Variants in SS18 observed in about 807,000 individuals in gnomAD.
SS18 encodes SS18 subunit of BAF chromatin remodeling complex.
Under a neutral mutation model 72.5 loss-of-function variants are expected in SS18, and 28 were observed. That is an observed-to-expected ratio of 0.39 (90% CI 0.29 to 0.53). The LOEUF is 0.53. SS18 is among the 20% of genes least tolerant of loss of function. The pLI, the probability that SS18 is intolerant of heterozygous loss-of-function variation, is 0.76. For missense variants in SS18, 518 were observed against 535.3 expected, an observed-to-expected ratio of 0.97 and a Z score of 0.32; for synonymous variants, 172 against 164.2, an observed-to-expected ratio of 1.05 and a Z score of -0.37.
intron 4 of SS18, among the ~76,000 whole-genome samples, chr18:26,057,039 A>G (rs930526789): frequency 6.6e-6 from 1 of 152,186 alleles, no homozygotes; most frequent in African/African-American, 2.4e-5. Context: ...TCAGCCTTTA[A>G]TTTTTGCTTT....
chr18:26,064,137 T>C (rs1033084506), intron 3 of SS18, among the ~76,000 whole-genome samples: 2 of 152,134 alleles, frequency 1.3e-5, no homozygotes, highest in Non-Finnish European at 2.9e-5. Flanking sequence ...CCTCTATTTA[T>C]TAGAGAAACT....
chr18:26,066,117 C>T lies in SS18; in HGVS notation c.232-8375G>A, dbSNP rs549606160. Among the ~76,000 whole-genome samples the T allele has an allele frequency of 1.6e-4, 25 of 152,068 alleles. No individual in the cohort carries two copies. The South Asian group carries it at 1.7e-3, about 10-fold the overall frequency. ...TATTCTTCCTTCATAACACTTACTA[C>T]GGCTGTAATTTCAAATGTGTTTGTG... On this transcript the variant is annotated intron_variant, in intron 3 of 10. Transcript: ENST00000415083.
Position 26,078,616 on chromosome 18 carries a change from T to C in SS18, c.147-456A>G, listed in dbSNP as rs1162446528. Among the ~76,000 whole-genome samples the C allele has an allele frequency of 2.6e-5, 4 of 152,214 alleles. No homozygotes were observed. The East Asian group carries it at 7.7e-4, about 29-fold the overall frequency. On this transcript the variant is annotated intron_variant, in intron 2 of 10. Transcript: ENST00000415083. ...ATGTGCTTATCTCAGCTGGGCACAGTGGCTCACACCTGTAATCCCAGCCCT... is the reference window on the plus strand; with the variant it reads ...ATGTGCTTATCTCAGCTGGGCACAGCGGCTCACACCTGTAATCCCAGCCCT...
At chr18:26,022,493 C>G (rs1247284150) in intron 10 of SS18, among the ~76,000 whole-genome samples, 1 of 151,570 alleles carries the variant, frequency 6.6e-6, no homozygotes, top group Non-Finnish European at 1.5e-5. Flanking sequence ...ACACACAGGA[C>G]AGAGCCAACA....
At chr18:26,021,561 A>T (rs1339168248) in intron 10 of SS18, among the ~76,000 whole-genome samples, 4 of 152,220 alleles carry the variant, frequency 2.6e-5, no homozygotes, top group Non-Finnish European at 5.9e-5. Context: ...CTACAGTATA[A>T]AGAATTTTAA....
chr18:26,033,415 G>C (rs1259557402), intron 9 of SS18, among the ~76,000 whole-genome samples: 1 of 151,482 alleles, frequency 6.6e-6, no homozygotes. Context: ...TCGGGAGGTT[G>C]ACAGGAGAAT....
chr18:26,078,731 A>T lies in SS18; in HGVS notation c.147-571T>A, dbSNP rs192273956. ...TGAAACCCCCGTCTCTCCTAAAAATACAAAAATTAGCTGGGCATGGTGGCA... is the reference window on the plus strand; with the variant it reads ...TGAAACCCCCGTCTCTCCTAAAAATTCAAAAATTAGCTGGGCATGGTGGCA... On this transcript the variant is annotated intron_variant, in intron 2 of 10. Transcript: ENST00000415083. 2.0e-5 allele frequency among the ~76,000 whole-genome samples: 3 copies of T among 152,200 alleles called. No individual in the cohort carries two copies. In the East Asian group the frequency reaches 5.8e-4, roughly 29 times the overall value.
intron 3 of SS18, among the ~76,000 whole-genome samples, chr18:26,070,568 C>G (rs1304476965): frequency 1.3e-5 from 2 of 152,264 alleles, no homozygotes; most frequent in South Asian, 2.1e-4. Flanking sequence ...AAGTAAAATG[C>G]CTAAGTGTTA....
At chr18:26,032,575 G>A in intron 9 of SS18, 43 bp from the exon 10 acceptor site, 2 of 1,606,886 alleles carry the variant, frequency 1.2e-6, no homozygotes, top group Non-Finnish European at 1.7e-6. Flanking sequence ...AAAAAGGTAA[G>A]TCCCTAGAAC....
chr18:26,031,886 A>G (rs1260289944), intron 10 of SS18, among the ~76,000 whole-genome samples: 1 of 152,118 alleles, frequency 6.6e-6, no homozygotes, highest in Non-Finnish European at 1.5e-5. Context: ...AAGCATCAAC[A>G]CAGATGGACT....
intron 5 of SS18, among the ~76,000 whole-genome samples, chr18:26,043,770 A>G (rs190607099): frequency 3.7e-4 from 56 of 152,316 alleles, no homozygotes; most frequent in Middle Eastern, 3.4e-3. Context: ...CCAAGCACAA[A>G]TTTAGCTGAG....
chr18:26,079,782 T>C (rs142020331), intron 2 of SS18, among the ~76,000 whole-genome samples: 2,246 of 152,236 alleles, frequency 0.015, 29 homozygotes, highest in Non-Finnish European at 0.021. Flanking sequence ...GGTTTCACCA[T>C]GTTGCCCAGG....
Position 26,035,798 on chromosome 18 carries a change from T to C in SS18, c.973+33A>G, listed in dbSNP as rs2053616563. 2 of 1,426,360 alleles carry C rather than the reference T, an allele frequency of 1.4e-6. No individual in the cohort carries two copies. The highest frequency in any genetic ancestry group is 2.5e-5 in the South Asian group (2 of 79,654). 88.4% of individuals were successfully genotyped at this position (1,426,360 alleles called of 1,614,324 possible). The stretch of plus-strand genomic sequence containing the variant: ...ATTTTCATTCCTGTAGAAGGGGATA[T>C]ATATGTGTATGTGTGTGAAGGTATA... On this transcript the variant is annotated intron_variant, in intron 8 of 10. Coordinates refer to ENST00000415083, the MANE Select transcript of SS18 (RefSeq NM_001007559.3). This position sits in a 1 kb window ranked among gnomAD's most constrained non-coding sequence, Gnocchi z 4.4.
At chr18:26,073,340 C>T (rs1413475866) in intron 3 of SS18, among the ~76,000 whole-genome samples, 2 of 151,920 alleles carry the variant, frequency 1.3e-5, no homozygotes, top group Admixed American at 1.3e-4. Context: ...TTAAATGCAT[C>T]CTTAGAAAGG....
At chr18:26,046,752 T>C (rs774748795) in intron 5 of SS18, among the ~76,000 whole-genome samples, 5 of 152,214 alleles carry the variant, frequency 3.3e-5, no homozygotes, top group Non-Finnish European at 7.3e-5. Context: ...TAAAATCTCA[T>C]ATAGGTTTAC....
intron 4 of SS18, among the ~76,000 whole-genome samples, chr18:26,055,044 A>G (rs1189987892): frequency 6.6e-6 from 1 of 152,008 alleles, no homozygotes; most frequent in East Asian, 1.9e-4. Context: ...CAGCGAGAGA[A>G]TATCTCTTGA....
chr18:26,078,851 C>T (rs947975822), intron 2 of SS18, among the ~76,000 whole-genome samples: 1 of 152,210 alleles, frequency 6.6e-6, no homozygotes, highest in African/African-American at 2.4e-5. Context: ...CATGCCACTG[C>T]ACTCCAGCCT....
intron 4 of SS18, among the ~76,000 whole-genome samples, chr18:26,054,552 C>T (rs1281834741): frequency 6.6e-6 from 1 of 151,628 alleles, no homozygotes; most frequent in Non-Finnish European, 1.5e-5. Context: ...TAAAAAAGAA[C>T]ATGATAGAGA....
chr18:26,038,727 AT>A (rs2053669378), intron 6 of SS18, 68 bp from the exon 7 acceptor site: 2 of 1,327,866 alleles, frequency 1.5e-6, no homozygotes, highest in South Asian at 2.4e-5. Context: ...TTTCTTTCTA[AT>A]TTGATATTAT....
Sources: gnomAD v4.1 joint callset for allele counts (sites outside exome capture counted in the v4.1 genomes callset) on GRCh38, gnomAD v4.1.1 for gene constraint, Gnocchi (gnomAD v3.1) non-coding constraint, MANE v1.5 for transcripts, NCBI Gene and HGNC (gene_info 2026-07-23, HGNC 2026-07-21) for gene names.